KCNU1: variants seen among roughly 807,000 people sequenced by gnomAD.
KCNU1 encodes the protein potassium calcium-activated channel subfamily U member 1, also known as potassium channel subfamily U member 1.
A neutral mutation model predicts 126.8 loss-of-function variants in KCNU1; 93 were observed. The observed-to-expected ratio is 0.73, with a 90% CI of 0.62 to 0.87. The LOEUF is 0.87. Ranked by LOEUF, KCNU1 falls within the 40% of genes least tolerant of loss-of-function variation. The probability of loss-of-function intolerance (pLI) is 0.00; values close to 1 mark genes in which losing one functional copy is unlikely to be tolerated. For synonymous variants in KCNU1, 523 were observed against 494.2 expected (o/e 1.06, Z -0.77); for missense variants, 1,330 against 1,367.1 (o/e 0.97, Z 0.43).
At chr8:36,826,272 TG>T (rs1804319309) in intron 10 of KCNU1, among the ~76,000 whole-genome samples, 1 of 150,736 alleles carries the variant, frequency 6.6e-6, no homozygotes, top group African/African-American at 2.5e-5. Flanking sequence ...CGCAGTGGCC[TG>T]ATCTTGGCTC....
chr8:36,922,798 G>A (rs1012914657), intron 24 of KCNU1, among the ~76,000 whole-genome samples, 169 bp downstream of exon 24: 1 of 152,084 alleles, frequency 6.6e-6, no homozygotes, highest in African/African-American at 2.4e-5. Context: ...TAACTACTTG[G>A]TGTGGGAAGC....
At chr8:36,863,155 C>T (rs762742660) in intron 18 of KCNU1, among the ~76,000 whole-genome samples, 2 of 152,124 alleles carry the variant, frequency 1.3e-5, no homozygotes, top group Non-Finnish European at 2.9e-5. Flanking sequence ...TGTGTTTTGA[C>T]TTAGTTGATG....
intron 22 of KCNU1, among the ~76,000 whole-genome samples, chr8:36,913,122 A>T (rs1807952510): frequency 6.6e-6 from 1 of 152,068 alleles, no homozygotes; most frequent in Admixed American, 6.5e-5. Context: ...TCCTTTATGG[A>T]CTAGACAAAA....
At chr8:36,899,428 A>G (rs548477428) in intron 19 of KCNU1, among the ~76,000 whole-genome samples, 6 of 147,142 alleles carry the variant, frequency 4.1e-5, no homozygotes, top group Non-Finnish European at 7.4e-5. Flanking sequence ...TTACCTTAGA[A>G]CACAGTTTAC....
At chr8:36,899,444 C>T (rs1467862452) in intron 19 of KCNU1, among the ~76,000 whole-genome samples, 1 of 152,074 alleles carries the variant, frequency 6.6e-6, no homozygotes, top group Non-Finnish European at 1.5e-5. Context: ...TTTACATTCT[C>T]CTACGTAAAC....
Position 36,791,475 on chromosome 8 carries a change from T to C in KCNU1, c.315+4050T>C, listed in dbSNP as rs1230278596. Among the ~76,000 whole-genome samples the C allele has an allele frequency of 2.6e-5, 4 of 152,322 alleles. No homozygotes were observed. The East Asian group carries it at 5.8e-4, about 22-fold the overall frequency. On this transcript the variant is annotated intron_variant, in intron 2 of 26. Transcript: ENST00000399881. ...TTTCTGGCTTCTCTGGCTTCTTTTTTCTTCAGGTAATCTAGCATTTTGTGT... is the reference window on the plus strand; with the variant it reads ...TTTCTGGCTTCTCTGGCTTCTTTTTCCTTCAGGTAATCTAGCATTTTGTGT...
chr8:36,828,452 T>TATAGATGTGA (rs1457439468), intron 10 of KCNU1, among the ~76,000 whole-genome samples: 1 of 152,154 alleles, frequency 6.6e-6, no homozygotes, highest in Non-Finnish European at 1.5e-5. Context: ...TTATTACCTC[T>TATAGATGTGA]ATATTCACAT....
intron 19 of KCNU1, among the ~76,000 whole-genome samples, chr8:36,877,891 C>T (rs368170539): frequency 6.6e-6 from 1 of 152,152 alleles, no homozygotes; most frequent in African/African-American, 2.4e-5. Flanking sequence ...ATTCTACCCT[C>T]TCACTTGTCC....
chr8:36,841,165 C>T (rs1804944055), intron 16 of KCNU1, among the ~76,000 whole-genome samples, 162 bp downstream of exon 16: 1 of 150,774 alleles, frequency 6.6e-6, no homozygotes, highest in Non-Finnish European at 1.5e-5. Flanking sequence ...TCTGGCTCCT[C>T]TGCTGTGCTG....
intron 20 of KCNU1, among the ~76,000 whole-genome samples, chr8:36,906,989 C>T (rs976590090): frequency 6.6e-6 from 1 of 152,098 alleles, no homozygotes; most frequent in Non-Finnish European, 1.5e-5. Context: ...ATGGAAATAG[C>T]AGAAGTTTTA....
chr8:36,814,484 C>CT, intron 8 of KCNU1, 107 bp downstream of exon 8: 1 of 801,746 alleles, frequency 1.2e-6, no homozygotes, highest in East Asian at 2.7e-5. Flanking sequence ...TGTTGCATTA[C>CT]TTGGGGCACA....
intron 10 of KCNU1, among the ~76,000 whole-genome samples, chr8:36,823,499 A>G (rs556761599): frequency 1.3e-5 from 2 of 152,248 alleles, no homozygotes; most frequent in South Asian, 4.1e-4. Flanking sequence ...TAGTGTTTAT[A>G]TCATTGCGGC....
chr8:36,930,444 CTATGTCAA>C (rs1309226507), intron 24 of KCNU1, among the ~76,000 whole-genome samples: 1 of 152,070 alleles, frequency 6.6e-6, no homozygotes, highest in Non-Finnish European at 1.5e-5. Flanking sequence ...CTAATAAGAC[CTATGTCAA>C]TATATGTCCC....
At chr8:36,932,813 C>A (rs1808740841) in intron 25 of KCNU1, 107 bp from the exon 26 acceptor site, 2 of 668,220 alleles carry the variant, frequency 3.0e-6, no homozygotes, top group Non-Finnish European at 5.4e-6. Context: ...TAGGAAATGG[C>A]TTTCCAAGCT....
At chr8:36,794,616 C>T (rs1319115810) in intron 2 of KCNU1, among the ~76,000 whole-genome samples, 1 of 152,030 alleles carries the variant, frequency 6.6e-6, no homozygotes, top group Admixed American at 6.6e-5. Flanking sequence ...AGACTGCTTC[C>T]TCTTACCATC....
chr8:36,907,859 TC>T (rs1430786912), intron 20 of KCNU1, among the ~76,000 whole-genome samples: 2 of 152,230 alleles, frequency 1.3e-5, no homozygotes, highest in Non-Finnish European at 2.9e-5. Flanking sequence ...CTAAATGTCC[TC>T]CTTTGAAAAT....
chr8:36,865,002 C>T (rs144822996), intron 19 of KCNU1, among the ~76,000 whole-genome samples: 3 of 152,192 alleles, frequency 2.0e-5, no homozygotes, highest in South Asian at 4.1e-4. Context: ...AGGAGGATGA[C>T]CTGCTTAGTT....
At position 36,911,108 on chromosome 8, in the gene KCNU1, C is replaced by A. The variant is rs1452371921; in HGVS notation, c.2510C>A (p.Pro837His). ...LQIDSSSDPS[P>H]SVSEETPGYT... ...ATTGACTCCTCCTCTGACCCGTCAC[C>A]CTCAGTGTCAGGTGAGAACAGCACC... The change falls in exon 22 of 27, where the codon CCC becomes CAC. Residue 837 changes from proline (P) to histidine (H), a missense_variant. Physicochemically the swap from Pro to His is moderately conservative, Grantham distance 77. Transcript: ENST00000399881. 1 of 1,612,422 alleles carries A rather than the reference C, an allele frequency of 6.2e-7. No individual in the cohort carries two copies. The highest frequency in any genetic ancestry group is 8.5e-7 in the Non-Finnish European group (1 of 1,178,772).
At chr8:36,928,088 G>T (rs908385239) in intron 24 of KCNU1, among the ~76,000 whole-genome samples, 1 of 152,120 alleles carries the variant, frequency 6.6e-6, no homozygotes, top group Non-Finnish European at 1.5e-5. Flanking sequence ...AAGGTCTGTG[G>T]CAGAGAACCC....
Sources: allele counts gnomAD v4.1 joint callset (sites outside exome capture counted in the v4.1 genomes callset), GRCh38; gene constraint gnomAD v4.1.1; transcripts MANE v1.5; gene names NCBI Gene and HGNC (gene_info 2026-07-23, HGNC 2026-07-21).